The following GPHN variants were observed in gnomAD, a reference collection of about 807,000 sequenced individuals.
The protein encoded by GPHN is gephyrin.
GPHN carries 17 observed loss-of-function variants against 95.5 expected under a neutral mutation model. The ratio of observed to expected loss-of-function variants is 0.18; its 90% CI spans 0.12 to 0.27. GPHN has a LOEUF of 0.27. Ranked by LOEUF, GPHN falls within the 10% of genes least tolerant of loss-of-function variation. The pLI, the probability that GPHN is intolerant of heterozygous loss-of-function variation, is 1.00. For synonymous variants in GPHN, 320 were observed against 322.5 expected (o/e 0.99, Z 0.08); for missense variants, 660 against 978.1 (o/e 0.67, Z 4.34).
chr14:67,557,280 G>A, the GPHN span: 1 of 1,613,666 alleles, frequency 6.2e-7, no homozygotes, highest in African/African-American at 1.3e-5. Context: ...TGGGTGTCAT[G>A]GAAGAGAAGG....
chr14:66,713,338 C>T (rs1403712811), intron 2 of GPHN, among the ~76,000 whole-genome samples: 2 of 152,172 alleles, frequency 1.3e-5, no homozygotes, highest in Admixed American at 1.3e-4. Context: ...GATCCAGTTT[C>T]ATTCTCTTAC....
the GPHN span, among the ~76,000 whole-genome samples, chr14:67,356,460 A>C: frequency 6.8e-6 from 1 of 147,880 alleles, no homozygotes; most frequent in East Asian, 2.1e-4. Flanking sequence ...AAAACAAACA[A>C]ACACCATTTG....
intron 3 of GPHN, among the ~76,000 whole-genome samples, chr14:66,784,676 T>C (rs76139681): frequency 6.6e-6 from 1 of 152,296 alleles, no homozygotes; most frequent in Non-Finnish European, 1.5e-5. Context: ...GTGTGGTAAG[T>C]TATATCTGTA....
At chr14:66,980,249 G>T (rs118158759) in intron 9 of GPHN, among the ~76,000 whole-genome samples, 1 of 152,122 alleles carries the variant, frequency 6.6e-6, no homozygotes, top group African/African-American at 2.4e-5. Context: ...TGTAAAAAAT[G>T]CAATTATCCA....
intron 3 of GPHN, among the ~76,000 whole-genome samples, chr14:66,807,727 G>A (rs1444654103): frequency 3.9e-5 from 6 of 152,092 alleles, no homozygotes; most frequent in Admixed American, 2.6e-4. Context: ...AAGCATTTTG[G>A]TGTCTTATGT....
intron 1 of GPHN, among the ~76,000 whole-genome samples, chr14:66,548,065 T>C (rs2059667670): frequency 6.6e-6 from 1 of 152,162 alleles, no homozygotes; most frequent in East Asian, 1.9e-4. Context: ...CAACGTGTAC[T>C]CACTTCGTGT....
At chr14:66,935,423 C>G (rs1045348491) in intron 8 of GPHN, among the ~76,000 whole-genome samples, 1 of 150,352 alleles carries the variant, frequency 6.7e-6, no homozygotes, top group African/African-American at 2.4e-5. Flanking sequence ...TTATCCATAT[C>G]ATTTGTATAT....
chr14:66,975,167 A>G (rs1269732019), intron 9 of GPHN, among the ~76,000 whole-genome samples: 1 of 152,186 alleles, frequency 6.6e-6, no homozygotes, highest in Non-Finnish European at 1.5e-5. Flanking sequence ...TCTAATTGAT[A>G]GATGTGACAT....
chr14:66,589,516 C>T (rs969476565), intron 1 of GPHN, among the ~76,000 whole-genome samples: 3 of 151,008 alleles, frequency 2.0e-5, no homozygotes, highest in African/African-American at 7.3e-5. Context: ...TCTGAAAAAA[C>T]AGACTTTAAA....
At chr14:67,258,264 G>A in the GPHN span, among the ~76,000 whole-genome samples, 7 of 152,052 alleles carry the variant, frequency 4.6e-5, no homozygotes, top group African/African-American at 1.2e-4. Context: ...GCCAGGCACC[G>A]TGGCTCACTC....
At chr14:67,593,562 A>T in the GPHN span, 1 of 571,736 alleles carries the variant, frequency 1.7e-6, no homozygotes. Flanking sequence ...TTGGTCTTGA[A>T]GATAAAGTTG....
intron 4 of GPHN, among the ~76,000 whole-genome samples, chr14:66,872,231 G>A (rs899245873): frequency 2.0e-5 from 3 of 152,138 alleles, no homozygotes; most frequent in Non-Finnish European, 4.4e-5. Flanking sequence ...TTGAAGAGTA[G>A]CATTCTACTT....
chr14:66,863,180 A>G (rs1215674308), intron 4 of GPHN, among the ~76,000 whole-genome samples: 1 of 151,726 alleles, frequency 6.6e-6, no homozygotes. Context: ...CTATATGCCA[A>G]CAGTGAACAA....
At chr14:67,050,655 AAAC>A (rs1211229917) in intron 10 of GPHN, among the ~76,000 whole-genome samples, 2 of 152,182 alleles carry the variant, frequency 1.3e-5, no homozygotes. Flanking sequence ...TGCAATTTCC[AAAC>A]AACAAGAAAA....
chr14:66,660,385 T>C (rs1320507742), intron 1 of GPHN, among the ~76,000 whole-genome samples: 2 of 152,214 alleles, frequency 1.3e-5, no homozygotes, highest in African/African-American at 4.8e-5. Context: ...TTTACCCATA[T>C]ATTTGCCTAC....
At chr14:66,802,962 G>C (rs888025443) in intron 3 of GPHN, among the ~76,000 whole-genome samples, 5 of 152,118 alleles carry the variant, frequency 3.3e-5, no homozygotes, top group African/African-American at 1.2e-4. Flanking sequence ...TGTCTCAGTA[G>C]GTCGCTTCCC....
At chr14:67,064,652 T>G (rs2075970770) in intron 11 of GPHN, among the ~76,000 whole-genome samples, 1 of 152,162 alleles carries the variant, frequency 6.6e-6, no homozygotes, top group Non-Finnish European at 1.5e-5. Flanking sequence ...TCTTCCTGCT[T>G]TAGTCTTGGG....
At chr14:66,943,485 C>T (rs1234727145) in intron 8 of GPHN, among the ~76,000 whole-genome samples, 1 of 152,118 alleles carries the variant, frequency 6.6e-6, no homozygotes. Flanking sequence ...TTCTTTAAAC[C>T]CAAAAAGCAG....
At chr14:66,904,193 A>G (rs964163924) in intron 5 of GPHN, among the ~76,000 whole-genome samples, 1 of 152,098 alleles carries the variant, frequency 6.6e-6, no homozygotes. Context: ...CGTGGACCAA[A>G]AGAGTGAGCA....
Sources: allele counts gnomAD v4.1 joint callset (sites outside exome capture counted in the v4.1 genomes callset), GRCh38; gene constraint gnomAD v4.1.1; transcripts MANE v1.5; gene names NCBI Gene and HGNC (gene_info 2026-07-23, HGNC 2026-07-21).